The following SETBP1 variants were observed in gnomAD, a reference collection of about 807,000 sequenced individuals.
SETBP1 encodes SET binding protein 1.
SETBP1 carries 9 observed loss-of-function variants against 101.0 expected under a neutral mutation model. The ratio of observed to expected loss-of-function variants is 0.09; its 90% CI spans 0.05 to 0.16. The LOEUF (loss-of-function observed/expected upper bound fraction) is 0.16. Ranked by LOEUF, SETBP1 falls within the 10% of genes least tolerant of loss-of-function variation. The probability of loss-of-function intolerance (pLI) is 1.00; values close to 1 mark genes in which losing one functional copy is unlikely to be tolerated. For synonymous variants in SETBP1, 818 were observed against 788.5 expected (o/e 1.04, Z -0.63); for missense variants, 1,858 against 2,033.8 (o/e 0.91, Z 1.66).
rs566048919 is a variant in SETBP1, at chr18:44,896,850, T to C, written c.540+27567T>C. ...TGATAACCACCATTATTTGTGTTTC[T>C]GTTTATCTTCTCCAGTTTGTCAATG... On this transcript the variant is annotated intron_variant, in intron 3 of 5. Coordinates refer to ENST00000649279, the MANE Select transcript of SETBP1 (RefSeq NM_015559.3). Among the ~76,000 whole-genome samples, 6 of 152,334 alleles carry C rather than the reference T, an allele frequency of 3.9e-5. No individual in the cohort carries two copies. The South Asian group carries it at 1.2e-3, about 32-fold the overall frequency.
intron 4 of SETBP1, among the ~76,000 whole-genome samples, chr18:45,027,249 G>A (rs1387196791): frequency 6.6e-6 from 1 of 152,100 alleles, no homozygotes; most frequent in Non-Finnish European, 1.5e-5. Context: ...TCTGAATTAA[G>A]AAGGCAAGAA....
intron 2 of SETBP1, among the ~76,000 whole-genome samples, chr18:44,867,734 A>C (rs2069160891): frequency 6.9e-6 from 1 of 144,342 alleles, no homozygotes; most frequent in South Asian, 2.4e-4. Flanking sequence ...AGGATGGGGA[A>C]TGGGGGGGTG....
In SETBP1 at chr18:44,697,564, T is replaced by C. The variant is rs561401027; in HGVS notation, c.-172-3611T>C. Among the ~76,000 whole-genome samples, 10 of 152,328 alleles carry C rather than the reference T, an allele frequency of 6.6e-5. No homozygotes were observed. In the East Asian group the frequency reaches 1.9e-3, roughly 29 times the overall value. On this transcript the variant is annotated intron_variant, in intron 1 of 5. Transcript: ENST00000649279. ...AAGCCATTTTCATTCAGAAAAACCT[T>C]GAAATCCTCCAAGCACCCAGTCCTG...
chr18:44,819,995 A>T (rs778306359), intron 2 of SETBP1, among the ~76,000 whole-genome samples: 21 of 152,074 alleles, frequency 1.4e-4, no homozygotes, highest in Non-Finnish European at 3.1e-4. Context: ...ATCATTGCTG[A>T]TGGTGGAAGG....
chr18:44,959,974 C>T (rs1432662829), intron 4 of SETBP1, among the ~76,000 whole-genome samples: 1 of 152,114 alleles, frequency 6.6e-6, no homozygotes, highest in Admixed American at 6.6e-5. Context: ...TGCAGTGGTA[C>T]GATCTCACCT....
At chr18:44,771,137 A>G (rs1238550514) in intron 2 of SETBP1, among the ~76,000 whole-genome samples, 1 of 151,880 alleles carries the variant, frequency 6.6e-6, no homozygotes, top group East Asian at 1.9e-4. Flanking sequence ...TCATAAATAC[A>G]GATTCCCAGG....
At chr18:44,986,203 A>T (rs536722643) in intron 4 of SETBP1, 1 of 152,336 alleles carries the variant, frequency 6.6e-6, no homozygotes, top group Admixed American at 6.5e-5. Flanking sequence ...AGTACTGAAT[A>T]CTGTAGATAA....
At chr18:44,866,052 A>G (rs376441542) in intron 2 of SETBP1, among the ~76,000 whole-genome samples, 18 of 152,352 alleles carry the variant, frequency 1.2e-4, no homozygotes, top group African/African-American at 3.6e-4. Context: ...TACTGTTTCA[A>G]CCAGTGCAAG....
intron 4 of SETBP1, among the ~76,000 whole-genome samples, chr18:44,954,111 T>C (rs2071428979): frequency 6.6e-6 from 1 of 152,152 alleles, no homozygotes; most frequent in African/African-American, 2.4e-5. Flanking sequence ...TGCTGGTTGC[T>C]ACTAGAAGGA....
At chr18:44,819,088 T>G (rs1380800622) in intron 2 of SETBP1, among the ~76,000 whole-genome samples, 2 of 152,106 alleles carry the variant, frequency 1.3e-5, no homozygotes, top group African/African-American at 4.8e-5. Flanking sequence ...TATGTAGCTT[T>G]TTATTCTCTG....
rs1392674836 is a variant in SETBP1, at chr18:44,902,669, T to A, written c.540+33386T>A. On this transcript the variant is annotated intron_variant, in intron 3 of 5. Transcript: ENST00000649279. Reference sequence around the variant, plus strand: ...AAGATATGTTTTGCAATTTTATAAATGTTCATGTCTTTTTATAAAAAAAGA... The same window carrying A: ...AAGATATGTTTTGCAATTTTATAAAAGTTCATGTCTTTTTATAAAAAAAGA... Among the ~76,000 whole-genome samples, 2 of 152,224 alleles carry A rather than the reference T, an allele frequency of 1.3e-5. 1 individual carries two copies. Among genetic ancestry groups the A allele is most frequent in the Admixed American group, 1.3e-4 (2 of 15,280 alleles).
At chr18:44,963,110 TC>T (rs1202544093) in intron 4 of SETBP1, among the ~76,000 whole-genome samples, 1 of 152,138 alleles carries the variant, frequency 6.6e-6, no homozygotes, top group Non-Finnish European at 1.5e-5. Flanking sequence ...AAGTGCTAGA[TC>T]CCAAGTATCC....
At chr18:44,697,601 A>G (rs879396942) in intron 1 of SETBP1, among the ~76,000 whole-genome samples, 3 of 152,248 alleles carry the variant, frequency 2.0e-5, no homozygotes, top group East Asian at 1.9e-4. Context: ...AATGGATGCT[A>G]TAGGTAATGT....
At chr18:44,876,479 T>C in intron 3 of SETBP1, 1 of 907,164 alleles carries the variant, frequency 1.1e-6, no homozygotes, top group Admixed American at 2.1e-5. Context: ...ACCCCTGTAG[T>C]GTGGATTGAA....
intron 1 of SETBP1, among the ~76,000 whole-genome samples, chr18:44,687,343 A>C (rs972731164): frequency 6.6e-6 from 1 of 152,226 alleles, no homozygotes; most frequent in Non-Finnish European, 1.5e-5. Context: ...AGAGCTCCTC[A>C]AACCCCTTTA....
rs1269310153 is a variant in SETBP1 at position 45,063,962 on chromosome 18, G to T, written c.*264G>T. 7 of 380,244 alleles carry T rather than the reference G, an allele frequency of 1.8e-5. No homozygotes were observed. The highest frequency in any genetic ancestry group is 3.4e-5 in the Non-Finnish European group (7 of 206,518). 23.6% of individuals were successfully genotyped at this position (380,244 alleles called of 1,614,324 possible). A position where few individuals can be genotyped will look rare whatever the true frequency, so the allele number is the denominator to read the frequency against. On this transcript the variant is annotated 3_prime_UTR_variant, in exon 6 of 6. Transcript: ENST00000649279. Reference sequence around the variant, plus strand: ...GCGCTTCAGTACGGCTGGATCCTCCGCAGGCGAGCGGAAGGCCCCCAGGAG... The same window carrying T: ...GCGCTTCAGTACGGCTGGATCCTCCTCAGGCGAGCGGAAGGCCCCCAGGAG...
chr18:44,895,448 G>A (rs1226202095), intron 3 of SETBP1, among the ~76,000 whole-genome samples: 1 of 152,128 alleles, frequency 6.6e-6, no homozygotes, highest in African/African-American at 2.4e-5. Flanking sequence ...TTCCCTGAGT[G>A]TGTGTCCTCA....
intron 2 of SETBP1, among the ~76,000 whole-genome samples, chr18:44,707,620 C>A (rs1348116282): frequency 6.6e-6 from 1 of 152,176 alleles, no homozygotes; most frequent in Non-Finnish European, 1.5e-5. Context: ...TCACAATCTG[C>A]TTTTGAGAAG....
At chr18:45,024,679 C>A (rs72896834) in intron 4 of SETBP1, among the ~76,000 whole-genome samples, 7,343 of 152,262 alleles carry the variant, frequency 0.048, 186 homozygotes, top group South Asian at 0.096. Flanking sequence ...GCGCACAATG[C>A]AGTGGTTGGA....
Sources: allele counts gnomAD v4.1 joint callset (sites outside exome capture counted in the v4.1 genomes callset), GRCh38; gene constraint gnomAD v4.1.1; transcripts MANE v1.5; gene names NCBI Gene and HGNC (gene_info 2026-07-23, HGNC 2026-07-21).